The following CPXM2 variants were observed in gnomAD, a reference collection of about 807,000 sequenced individuals.
CPXM2 encodes carboxypeptidase X, M14 family member 2.
CPXM2 carries 66 observed loss-of-function variants against 86.1 expected under a neutral mutation model. The ratio of observed to expected loss-of-function variants is 0.77; its 90% CI spans 0.63 to 0.94. CPXM2 has a LOEUF of 0.94. Among genes scored for constraint, CPXM2 ranks in the 40% least tolerant of loss-of-function variants. The pLI, the probability that CPXM2 is intolerant of heterozygous loss-of-function variation, is 0.00. For missense variants in CPXM2, 948 were observed against 1,026.3 expected (o/e 0.92, Z 1.04); for synonymous variants, 388 against 400.2 (o/e 0.97, Z 0.36).
chr10:123,875,807 C>CTTTTTTTTTTTTTTTTTTTT (rs780970130), intron 2 of CPXM2, among the ~76,000 whole-genome samples: 4 of 84,680 alleles, frequency 4.7e-5, no homozygotes, highest in Non-Finnish European at 7.1e-5. Flanking sequence ...TCTTTTCTTT[C>CTTTTTTTTTTTTTTTTTTTT]TTTTTTTTTT....
chr10:123,942,205 C>T (rs1017090662), upstream of CPXM2, among the ~76,000 whole-genome samples: 4 of 152,074 alleles, frequency 2.6e-5, no homozygotes, highest in African/African-American at 7.2e-5. Flanking sequence ...TAGTCATGCA[C>T]GGCATAAAAA....
intron 1 of CPXM2, among the ~76,000 whole-genome samples, chr10:123,889,531 C>A (rs2134247483): frequency 6.6e-6 from 1 of 152,274 alleles, no homozygotes; most frequent in Admixed American, 6.5e-5. Context: ...TCTCACCCAG[C>A]ACCAGTGCTT....
At chr10:123,937,543 G>A (rs1305619882) in intron 2 of CPXM2, among the ~76,000 whole-genome samples, 1 of 150,548 alleles carries the variant, frequency 6.6e-6, no homozygotes, top group Non-Finnish European at 1.5e-5. Flanking sequence ...GTTATGGAGA[G>A]AAGCTGTTTC....
chr10:123,898,470 A>AAT (rs929714459), intron 2 of CPXM2, among the ~76,000 whole-genome samples: 1 of 143,488 alleles, frequency 7.0e-6, no homozygotes, highest in African/African-American at 2.5e-5. Flanking sequence ...ATCTCAAAAA[A>AAT]ATATATATAT....
Position 123,757,258 on chromosome 10 carries a change from C to A in CPXM2, c.1872G>T (p.Glu624Asp). Residue 624 changes from glutamate to aspartate, a missense_variant, in exon 12 of 14, where the codon GAG becomes GAT. Physicochemically the swap from Glu to Asp is conservative, Grantham distance 45 (BLOSUM62 2). Transcript: ENST00000241305. Reference protein sequence around the residue: ...DKYPHESQLPEEWENNRESLI... With the variant: ...DKYPHESQLPDEWENNRESLI... ...GAGATTCCCGGTTATTCTCCCACTC[C>A]TCGGGCAGCTGGCTCTCATGTGGGT... 1 of 1,614,088 alleles carries A rather than the reference C, an allele frequency of 6.2e-7. No individual in the cohort carries two copies.
chr10:123,887,199 G>A (rs999045926), intron 1 of CPXM2: 2 of 152,242 alleles, frequency 1.3e-5, no homozygotes, highest in African/African-American at 4.8e-5. Flanking sequence ...CCTGTGAGCA[G>A]AGGCCGGGCA....
intron 3 of CPXM2, 57 bp downstream of exon 3, chr10:123,862,557 A>G (rs1256406902): frequency 7.5e-6 from 11 of 1,458,758 alleles, no homozygotes; most frequent in South Asian, 1.1e-5. Context: ...TCCAAGCTCA[A>G]GGAACCAGAG....
At chr10:123,913,422 G>A (rs1488640326) in intron 2 of CPXM2, among the ~76,000 whole-genome samples, 1 of 152,268 alleles carries the variant, frequency 6.6e-6, no homozygotes, top group East Asian at 1.9e-4. Flanking sequence ...ATTGTTTAGG[G>A]GGCATTGGCT....
chr10:123,827,530 T>C (rs918608272), intron 4 of CPXM2, among the ~76,000 whole-genome samples: 5 of 152,220 alleles, frequency 3.3e-5, no homozygotes, highest in African/African-American at 9.6e-5. Flanking sequence ...GGGACTCGCA[T>C]GCTGAAAACT....
intron 6 of CPXM2, among the ~76,000 whole-genome samples, chr10:123,789,895 G>A (rs1847167182): frequency 6.6e-6 from 1 of 152,148 alleles, no homozygotes; most frequent in South Asian, 2.1e-4. Context: ...GAGGCAGGCG[G>A]ATCACGAGGT....
At position 123,746,883 on chromosome 10, in the gene CPXM2, G is replaced by A. The variant is rs747043833; in HGVS notation, c.2152C>T (p.Leu718Phe). Residue 718 changes from leucine to phenylalanine, a missense_variant, in exon 14 of 14, where the codon CTT (leucine) becomes TTT (phenylalanine). Leu to Phe is a conservative substitution (Grantham distance 22, BLOSUM62 0). Coordinates refer to ENST00000241305, the MANE Select transcript of CPXM2 (RefSeq NM_198148.3). ...ATCCTGGCCATGTTGGTTTTGCTAA[G>A]TGTGAAGTCACACCTTGTGGCCCCC... is the stretch of plus-strand genomic sequence containing the variant. ...DMGATRCDFT[L>F]SKTNMARIRE... 1.9e-6 allele frequency: 3 copies of A among 1,614,172 alleles called. No homozygotes were observed. The highest frequency in any genetic ancestry group is 1.7e-6 in the Non-Finnish European group (2 of 1,180,032).
chr10:123,892,356 G>C (rs1313852463), upstream of CPXM2, among the ~76,000 whole-genome samples: 2 of 152,178 alleles, frequency 1.3e-5, no homozygotes, highest in Non-Finnish European at 2.9e-5. Flanking sequence ...CTGTGATTCT[G>C]TTGGGTCTTG....
At chr10:123,923,812 G>A (rs1001995271) in intron 2 of CPXM2, among the ~76,000 whole-genome samples, 1 of 152,158 alleles carries the variant, frequency 6.6e-6, no homozygotes, top group Non-Finnish European at 1.5e-5. Flanking sequence ...GTTTTATAAA[G>A]GGGCATTTCC....
upstream of CPXM2, among the ~76,000 whole-genome samples, chr10:123,895,742 G>A (rs376358620): frequency 3.3e-5 from 5 of 152,176 alleles, no homozygotes; most frequent in East Asian, 1.9e-4. Flanking sequence ...GATGTCAGCC[G>A]TGCTATAAAC....
intron 2 of CPXM2, among the ~76,000 whole-genome samples, chr10:123,933,398 A>G (rs545662020): frequency 3.5e-4 from 53 of 152,324 alleles, no homozygotes; most frequent in Non-Finnish European, 7.1e-4. Flanking sequence ...AAACCAAAAA[A>G]ATGATGTCAC....
At chr10:123,791,625 C>T (rs1847209098) in intron 6 of CPXM2, among the ~76,000 whole-genome samples, 1 of 152,150 alleles carries the variant, frequency 6.6e-6, no homozygotes, top group African/African-American at 2.4e-5. Context: ...CTTAAGGACA[C>T]CAGTCATTGG....
chr10:123,787,432 C>G (rs1847088251), intron 6 of CPXM2, among the ~76,000 whole-genome samples: 1 of 152,062 alleles, frequency 6.6e-6, no homozygotes, highest in Admixed American at 6.5e-5. Flanking sequence ...GTCACCCAGC[C>G]TGGAGTGTAG....
chr10:123,903,210 G>C (rs1007681636), intron 2 of CPXM2, among the ~76,000 whole-genome samples: 5 of 152,176 alleles, frequency 3.3e-5, no homozygotes, highest in African/African-American at 9.7e-5. Flanking sequence ...AGGACACAGA[G>C]TACCTTGTCC....
intron 2 of CPXM2, among the ~76,000 whole-genome samples, chr10:123,899,286 A>C (rs7905397): frequency 0.64 from 95,714 of 149,286 alleles, 32,883 homozygotes; most frequent in African/African-American, 0.78. Context: ...TATACATAAA[A>C]TCCATAAAGT....
Sources: allele counts gnomAD v4.1 joint callset (sites outside exome capture counted in the v4.1 genomes callset), GRCh38; gene constraint gnomAD v4.1.1; transcripts MANE v1.5; gene names NCBI Gene and HGNC (gene_info 2026-07-23, HGNC 2026-07-21).